ATP8A2: variants seen among roughly 807,000 people sequenced by gnomAD.
ATP8A2 encodes phospholipid-transporting ATPase IB.
ATP8A2 carries 100 observed loss-of-function variants against 165.6 expected under a neutral mutation model. The observed-to-expected ratio is 0.60, with a 90% CI of 0.51 to 0.71. The LOEUF is 0.71. ATP8A2 is among the 30% of genes least tolerant of loss of function. The probability of loss-of-function intolerance (pLI) is 0.00; values close to 1 mark genes in which losing one functional copy is unlikely to be tolerated. For missense variants in ATP8A2, 1,227 were observed against 1,479.5 expected (o/e 0.83, Z 2.80); for synonymous variants, 543 against 548.8 (o/e 0.99, Z 0.15).
chr13:25,627,222 A>G (rs1477797347), intron 24 of ATP8A2, among the ~76,000 whole-genome samples: 1 of 152,120 alleles, frequency 6.6e-6, no homozygotes, highest in Non-Finnish European at 1.5e-5. Context: ...GTGGCAGAAT[A>G]CATAGGAGGT....
chr13:25,974,093 G>C (rs1955972335), intron 35 of ATP8A2, among the ~76,000 whole-genome samples: 1 of 152,204 alleles, frequency 6.6e-6, no homozygotes, highest in African/African-American at 2.4e-5. Flanking sequence ...AGAGAAGCGA[G>C]TGCAGACGGC....
intron 7 of ATP8A2, among the ~76,000 whole-genome samples, chr13:25,538,288 T>G (rs2038354572): frequency 6.6e-6 from 1 of 152,214 alleles, no homozygotes; most frequent in Non-Finnish European, 1.5e-5. Flanking sequence ...TGACTCCACT[T>G]AGTCTCCTGG....
chr13:25,423,567 C>T (rs1443849189), intron 1 of ATP8A2, among the ~76,000 whole-genome samples: 1 of 152,138 alleles, frequency 6.6e-6, no homozygotes, highest in Admixed American at 6.5e-5. Context: ...ATTTATATGA[C>T]AATCTACGAG....
chr13:25,698,177 G>C (rs2042873953), intron 24 of ATP8A2, among the ~76,000 whole-genome samples: 1 of 150,932 alleles, frequency 6.6e-6, no homozygotes, highest in African/African-American at 2.4e-5. Context: ...ATTTGAGTGA[G>C]ATATCCTGTT....
intron 35 of ATP8A2, among the ~76,000 whole-genome samples, chr13:25,998,378 A>G (rs567319391): frequency 6.6e-6 from 1 of 152,204 alleles, no homozygotes; most frequent in South Asian, 2.1e-4. Context: ...CAGTCTCCTA[A>G]GGGAAGAAGT....
intron 10 of ATP8A2, among the ~76,000 whole-genome samples, chr13:25,545,086 A>G (rs2038604858): frequency 6.6e-6 from 1 of 151,872 alleles, no homozygotes. Flanking sequence ...TTGTGAGGCA[A>G]GGAGGAGAGA....
At chr13:25,655,111 C>A (rs75168067) in intron 24 of ATP8A2, among the ~76,000 whole-genome samples, 4,482 of 152,242 alleles carry the variant, frequency 0.029, 123 homozygotes, top group East Asian at 0.13. Context: ...TAGGCACTCA[C>A]CCATGGTGGG....
At chr13:25,981,348 A>C (rs540531279) in intron 35 of ATP8A2, among the ~76,000 whole-genome samples, 1 of 152,368 alleles carries the variant, frequency 6.6e-6, no homozygotes, top group South Asian at 2.1e-4. Flanking sequence ...ATAATATAAC[A>C]GTCACATGTT....
chr13:25,480,040 G>A (rs897386359), intron 2 of ATP8A2, among the ~76,000 whole-genome samples: 8 of 152,192 alleles, frequency 5.3e-5, no homozygotes, highest in African/African-American at 1.9e-4. Flanking sequence ...GCCAGGCAGA[G>A]GGGCTCCTCA....
At chr13:25,859,026 AAC>A (rs1952256103) in intron 30 of ATP8A2, among the ~76,000 whole-genome samples, 1 of 152,080 alleles carries the variant, frequency 6.6e-6, no homozygotes, top group Non-Finnish European at 1.5e-5. Flanking sequence ...AAGATGGTAA[AAC>A]CCTGTCTCTA....
intron 1 of ATP8A2, among the ~76,000 whole-genome samples, chr13:25,458,605 C>T (rs1316861877): frequency 1.3e-5 from 2 of 152,208 alleles, no homozygotes; most frequent in Non-Finnish European, 2.9e-5. Flanking sequence ...GAGGGAAGTG[C>T]ATTAAAACAC....
At chr13:25,528,819 TGCACACATATGCAACATGTGTATGCAC>T in intron 2 of ATP8A2, among the ~76,000 whole-genome samples, 1 of 75,306 alleles carries the variant, frequency 1.3e-5, no homozygotes, top group African/African-American at 4.3e-5. Flanking sequence ...AACATGTGTA[TGCACACATATGCAACATGTGTATGCAC>T]ACATATGCAA....
At chr13:25,731,061 G>A in intron 25 of ATP8A2, among the ~76,000 whole-genome samples, 1 of 144,420 alleles carries the variant, frequency 6.9e-6, no homozygotes. Flanking sequence ...TCGCAAAAAA[G>A]AAGGAGAGGG....
At chr13:25,655,974 C>T (rs1454488895) in intron 24 of ATP8A2, among the ~76,000 whole-genome samples, 1 of 152,136 alleles carries the variant, frequency 6.6e-6, no homozygotes, top group Admixed American at 6.5e-5. Flanking sequence ...CTCGTCTTTC[C>T]AAATACAACT....
intron 24 of ATP8A2, among the ~76,000 whole-genome samples, chr13:25,680,685 T>C (rs1052801356): frequency 6.6e-5 from 10 of 152,178 alleles, no homozygotes; most frequent in African/African-American, 2.4e-4. Context: ...GTAGCCTTCA[T>C]AGCTAACTGC....
intron 1 of ATP8A2, among the ~76,000 whole-genome samples, chr13:25,402,794 G>T (rs2033678916): frequency 6.6e-6 from 1 of 152,170 alleles, no homozygotes; most frequent in South Asian, 2.1e-4. Context: ...GTCTTAGTCT[G>T]GTTGGGCTGC....
chr13:25,928,838 A>T (rs1954685464), intron 33 of ATP8A2, among the ~76,000 whole-genome samples: 1 of 152,156 alleles, frequency 6.6e-6, no homozygotes, highest in Non-Finnish European at 1.5e-5. Context: ...AGCCTCCCTA[A>T]TGTGAAAATA....
chr13:25,945,102 G>A (rs1955177339), intron 33 of ATP8A2, among the ~76,000 whole-genome samples: 1 of 152,154 alleles, frequency 6.6e-6, no homozygotes, highest in Non-Finnish European at 1.5e-5. Flanking sequence ...GGGACGGGGT[G>A]GGAGGAAGTG....
At chr13:26,000,471 C>T (rs1332983388) in intron 35 of ATP8A2, among the ~76,000 whole-genome samples, 2 of 152,060 alleles carry the variant, frequency 1.3e-5, no homozygotes, top group African/African-American at 4.8e-5. Flanking sequence ...CTCAGCTCTC[C>T]ACTTCTTCCT....
Sources: allele counts gnomAD v4.1 joint callset (sites outside exome capture counted in the v4.1 genomes callset), GRCh38; gene constraint gnomAD v4.1.1; transcripts MANE v1.5; gene names NCBI Gene and HGNC (gene_info 2026-07-23, HGNC 2026-07-21).